The following FER variants were observed in gnomAD, a reference collection of about 807,000 sequenced individuals.
FER encodes the protein tyrosine-protein kinase Fer.
In FER, 63 loss-of-function variants were observed where a neutral mutation model predicts 111.0. The observed-to-expected ratio is 0.57, with a 90% CI of 0.46 to 0.70. The LOEUF is 0.70. Among genes scored for constraint, FER ranks in the 30% least tolerant of loss-of-function variants. The pLI is 0.00. For synonymous variants in FER, 327 were observed against 313.9 expected (o/e 1.04, Z -0.44); for missense variants, 914 against 954.0 (o/e 0.96, Z 0.55).
At chr5:109,005,339 G>A (rs560091277) in intron 13 of FER, among the ~76,000 whole-genome samples, 120 of 152,008 alleles carry the variant, frequency 7.9e-4, no homozygotes, top group Non-Finnish European at 1.3e-3. Flanking sequence ...AGAGGGTGAG[G>A]CAGGTTGGCA....
intron 8 of FER, among the ~76,000 whole-genome samples, chr5:108,873,024 T>C (rs1764751026): frequency 6.6e-6 from 1 of 152,120 alleles, no homozygotes; most frequent in Admixed American, 6.6e-5. Context: ...CCTAATATAA[T>C]TAAACAATCT....
At position 108,756,524 on chromosome 5, in the gene FER, G is replaced by A. The variant is rs1011504395; in HGVS notation, c.-206+8524G>A. Among the ~76,000 whole-genome samples the A allele has an allele frequency of 1.1e-4, 17 of 151,994 alleles. No individual in the cohort carries two copies. The Middle Eastern group carries it at 0.02, about 182-fold the overall frequency. Reference sequence around the variant, plus strand: ...TACTTTTAATATATTTAATAAATTTGCTATAGGAGAGTAATTAAGGGGAAC... The same window carrying A: ...TACTTTTAATATATTTAATAAATTTACTATAGGAGAGTAATTAAGGGGAAC... On this transcript the variant is annotated intron_variant, in intron 1 of 19. Coordinates refer to ENST00000281092, the MANE Select transcript of FER (RefSeq NM_005246.4).
intron 6 of FER, among the ~76,000 whole-genome samples, chr5:108,868,810 A>G (rs543557588): frequency 1.3e-5 from 2 of 152,142 alleles, no homozygotes; most frequent in Non-Finnish European, 2.9e-5. Context: ...ATTGTACTTA[A>G]TTTATCTGTA....
At chr5:108,936,378 G>T (rs1755473204) in intron 10 of FER, among the ~76,000 whole-genome samples, 1 of 151,952 alleles carries the variant, frequency 6.6e-6, no homozygotes, top group Non-Finnish European at 1.5e-5. Flanking sequence ...TTTGGATGAT[G>T]ACTCTTAATC....
intron 10 of FER, among the ~76,000 whole-genome samples, chr5:108,934,728 C>T (rs1380242236): frequency 6.6e-6 from 1 of 152,110 alleles, no homozygotes; most frequent in Non-Finnish European, 1.5e-5. Context: ...GACCTTGCTA[C>T]TGCTGAGCTG....
chr5:109,026,767 C>T (rs1472195673), intron 13 of FER, among the ~76,000 whole-genome samples: 1 of 152,136 alleles, frequency 6.6e-6, no homozygotes, highest in African/African-American at 2.4e-5. Context: ...CAACTTCCGC[C>T]TCCCGGGTTC....
intron 12 of FER, among the ~76,000 whole-genome samples, chr5:108,955,802 A>T (rs73209364): frequency 0.12 from 18,886 of 151,730 alleles, 1,598 homozygotes; most frequent in African/African-American, 0.24. Flanking sequence ...GAGGGCTTAG[A>T]TAACTTAGTA....
At chr5:108,957,550 C>T (rs762907182) in intron 12 of FER, among the ~76,000 whole-genome samples, 1 of 151,590 alleles carries the variant, frequency 6.6e-6, no homozygotes, top group Non-Finnish European at 1.5e-5. Flanking sequence ...ATGGAGATTT[C>T]TCAAAAAGCT....
intron 5 of FER, among the ~76,000 whole-genome samples, chr5:108,837,302 G>A (rs9326750): frequency 0.23 from 34,685 of 152,080 alleles, 4,149 homozygotes; most frequent in African/African-American, 0.28. Context: ...GGCATTCAAG[G>A]AGCTTACAGT....
In FER at chr5:108,757,027, A is replaced by C. The variant is rs150027886; in HGVS notation, c.-206+9027A>C. Among the ~76,000 whole-genome samples, 684 of 152,290 alleles carry C rather than the reference A, an allele frequency of 4.5e-3. 4 individuals carry two copies. The highest frequency in any genetic ancestry group is 0.015 in the African/African-American group (644 of 41,566). ...ATGTTCTTTTTGTGATCTGGAACCA[A>C]TTTTAGGTCATATCATTTATCCAAG... On this transcript the variant is annotated intron_variant, in intron 1 of 19. Transcript: ENST00000281092.
At chr5:109,173,036 G>A (rs1366070697) in intron 17 of FER, among the ~76,000 whole-genome samples, 1 of 152,114 alleles carries the variant, frequency 6.6e-6, no homozygotes, top group Non-Finnish European at 1.5e-5. Flanking sequence ...TTCATATTTA[G>A]TATGAGTTCT....
At chr5:108,908,404 A>G (rs111576769) in intron 10 of FER, among the ~76,000 whole-genome samples, 1 of 152,208 alleles carries the variant, frequency 6.6e-6, no homozygotes, top group African/African-American at 2.4e-5. Flanking sequence ...CTGCCTATAC[A>G]ATAGTTTTTG....
At chr5:108,759,266 C>G (rs1235210680) in intron 1 of FER, among the ~76,000 whole-genome samples, 1 of 152,202 alleles carries the variant, frequency 6.6e-6, no homozygotes, top group African/African-American at 2.4e-5. Context: ...TGCTTAATCA[C>G]TTTATAACAA....
Position 109,148,573 on chromosome 5 carries a change from G to A in FER, c.2049-32174G>A, listed in dbSNP as rs186326686. On this transcript the variant is annotated intron_variant, in intron 17 of 19. Transcript: ENST00000281092. ...TCATAATGATTTCCTAGAGTTGTGT[G>A]GGACACTGGGATACTATTTTCATTC... Among the ~76,000 whole-genome samples the A allele has an allele frequency of 9.9e-5, 15 of 152,234 alleles. No individual in the cohort carries two copies. In the South Asian group the frequency reaches 2.5e-3, roughly 25 times the overall value.
At chr5:109,135,360 C>G (rs1386937906) in intron 17 of FER, among the ~76,000 whole-genome samples, 1 of 152,178 alleles carries the variant, frequency 6.6e-6, no homozygotes, top group Non-Finnish European at 1.5e-5. Context: ...GTGATTTTCT[C>G]CAGATCATAT....
chr5:108,928,742 C>G (rs1420124794), intron 10 of FER, among the ~76,000 whole-genome samples: 1 of 151,024 alleles, frequency 6.6e-6, no homozygotes. Flanking sequence ...AATATATGTA[C>G]ATATACATAT....
At chr5:108,761,908 T>A (rs1051792827) in intron 1 of FER, among the ~76,000 whole-genome samples, 2 of 151,844 alleles carry the variant, frequency 1.3e-5, no homozygotes, top group Non-Finnish European at 2.9e-5. Context: ...CTAGTATAAT[T>A]ATTATTATTA....
At chr5:108,793,519 C>CGGCGGG (rs1554065855) in intron 2 of FER, among the ~76,000 whole-genome samples, 1 of 103,156 alleles carries the variant, frequency 9.7e-6, no homozygotes, top group African/African-American at 4.4e-5. Flanking sequence ...TTTGGCGGGG[C>CGGCGGG]GGGGGGGGTG....
chr5:108,971,566 A>G (rs1036666307), intron 13 of FER, among the ~76,000 whole-genome samples: 1 of 152,186 alleles, frequency 6.6e-6, no homozygotes, highest in Non-Finnish European at 1.5e-5. Flanking sequence ...ATTTTAGATA[A>G]CAGTGTCCTC....
Sources: gnomAD v4.1 joint callset for allele counts (sites outside exome capture counted in the v4.1 genomes callset) on GRCh38, gnomAD v4.1.1 for gene constraint, MANE v1.5 for transcripts, NCBI Gene and HGNC (gene_info 2026-07-23, HGNC 2026-07-21) for gene names.